Variants in EXOC4 observed in about 807,000 individuals in gnomAD.
EXOC4 encodes the protein exocyst complex component 4.
A neutral mutation model predicts 107.2 loss-of-function variants in EXOC4; 71 were observed. The observed-to-expected ratio is 0.66, with a 90% CI of 0.55 to 0.81. The LOEUF is 0.81. EXOC4 is among the 30% of genes least tolerant of loss of function. The pLI is 0.00. For synonymous variants in EXOC4, 456 were observed against 441.2 expected, an observed-to-expected ratio of 1.03 and a Z score of -0.42; for missense variants, 1,108 against 1,189.6, an observed-to-expected ratio of 0.93 and a Z score of 1.01.
chr7:133,486,387 A>G (rs1799270195), intron 9 of EXOC4, among the ~76,000 whole-genome samples: 1 of 152,206 alleles, frequency 6.6e-6, no homozygotes, highest in Non-Finnish European at 1.5e-5. Context: ...ATAATGGAGC[A>G]TTTAAGGCAA....
At chr7:134,096,834 T>G in the EXOC4 span, among the ~76,000 whole-genome samples, 1 of 152,090 alleles carries the variant, frequency 6.6e-6, no homozygotes, top group African/African-American at 2.4e-5. Flanking sequence ...AGGGTGGGTC[T>G]GCCTCTCCCA....
intron 17 of EXOC4, among the ~76,000 whole-genome samples, chr7:134,045,699 G>A (rs1286018883): frequency 6.6e-6 from 1 of 152,106 alleles, no homozygotes; most frequent in South Asian, 2.1e-4. Flanking sequence ...GCGTTGTACA[G>A]CCATCATCAC....
At chr7:133,997,976 T>C (rs1375292150) in intron 15 of EXOC4, among the ~76,000 whole-genome samples, 1 of 152,182 alleles carries the variant, frequency 6.6e-6, no homozygotes, top group Non-Finnish European at 1.5e-5. Context: ...ATAGAGATTT[T>C]ATAAATGAAA....
At chr7:133,928,641 TGTGG>T (rs371747346) in intron 13 of EXOC4, among the ~76,000 whole-genome samples, 62 of 152,174 alleles carry the variant, frequency 4.1e-4, no homozygotes, top group Middle Eastern at 3.4e-3. Context: ...ACTCACAGTC[TGTGG>T]GTGAGTCAAA....
chr7:133,889,214 T>C (rs1251595504), intron 11 of EXOC4, among the ~76,000 whole-genome samples: 1 of 152,198 alleles, frequency 6.6e-6, no homozygotes, highest in Non-Finnish European at 1.5e-5. Flanking sequence ...ATTTTCTGTC[T>C]TAAAAGCCAG....
At chr7:133,742,729 A>G (rs1195533545) in intron 10 of EXOC4, among the ~76,000 whole-genome samples, 10 of 152,154 alleles carry the variant, frequency 6.6e-5, no homozygotes, top group Non-Finnish European at 1.2e-4. Flanking sequence ...CCCCAAGTTG[A>G]GACTTTGAAT....
chr7:133,407,959 A>G (rs1002563854), intron 7 of EXOC4, among the ~76,000 whole-genome samples: 4 of 152,188 alleles, frequency 2.6e-5, no homozygotes, highest in Non-Finnish European at 5.9e-5. Context: ...ATTTATTTGA[A>G]GTCAACTAGA....
intron 7 of EXOC4, among the ~76,000 whole-genome samples, chr7:133,449,133 A>G (rs1174594480): frequency 6.6e-5 from 10 of 152,052 alleles, no homozygotes; most frequent in Admixed American, 5.9e-4. Flanking sequence ...TAAAAAGAAT[A>G]TGGGAATTTG....
intron 5 of EXOC4, among the ~76,000 whole-genome samples, chr7:133,353,271 C>T (rs1396320494): frequency 6.6e-6 from 1 of 152,062 alleles, no homozygotes. Context: ...AATGTCCTTT[C>T]ATTTTAACGT....
At chr7:133,762,109 T>C (rs1327973040) in intron 10 of EXOC4, among the ~76,000 whole-genome samples, 1 of 152,208 alleles carries the variant, frequency 6.6e-6, no homozygotes, top group Non-Finnish European at 1.5e-5. Flanking sequence ...GTGGAATCCA[T>C]GATGGTCCTG....
chr7:133,459,334 T>C (rs1394107726), intron 7 of EXOC4, among the ~76,000 whole-genome samples: 2 of 152,242 alleles, frequency 1.3e-5, no homozygotes, highest in East Asian at 1.9e-4. Flanking sequence ...TCTCTAGTTA[T>C]GTTTACAAAT....
intron 1 of EXOC4, among the ~76,000 whole-genome samples, chr7:133,262,972 T>C (rs1463451989): frequency 6.6e-6 from 1 of 152,162 alleles, no homozygotes; most frequent in Non-Finnish European, 1.5e-5. Flanking sequence ...GCTGTTCTCA[T>C]GATAGTGAAT....
intron 9 of EXOC4, among the ~76,000 whole-genome samples, chr7:133,577,076 G>A (rs1005137254): frequency 1.3e-5 from 2 of 152,168 alleles, no homozygotes; most frequent in African/African-American, 4.8e-5. Flanking sequence ...GTCTTTCACA[G>A]TGTGAGTTAT....
intron 11 of EXOC4, among the ~76,000 whole-genome samples, chr7:133,832,382 T>C (rs200009406): frequency 6.6e-6 from 1 of 152,212 alleles, no homozygotes; most frequent in East Asian, 1.9e-4. Context: ...CAATGCAAAA[T>C]GTTGTGTGTC....
chr7:134,090,135 A>G, the EXOC4 span, among the ~76,000 whole-genome samples: 17 of 152,186 alleles, frequency 1.1e-4, no homozygotes, highest in African/African-American at 1.9e-4. Context: ...TTTTAAGCCA[A>G]TTAATCAAAG....
chr7:134,053,939 A>AT (rs557655159), intron 17 of EXOC4, among the ~76,000 whole-genome samples: 439 of 151,936 alleles, frequency 2.9e-3, no homozygotes, highest in African/African-American at 0.01. Context: ...ATTTTAATTT[A>AT]TTTTATTTTT....
In EXOC4 at chr7:134,052,337, AC is replaced by A. The variant is rs111471661; in HGVS notation, c.2688-11953del. On this transcript the variant is annotated intron_variant, in intron 17 of 17. Transcript: ENST00000253861. Reference sequence around the variant, plus strand: ...CCAGTGAAAAGGGAAGATACTGGATACAAGAGTTAAAAATAAAACAAAAACC... The same window carrying A: ...CCAGTGAAAAGGGAAGATACTGGATAAAGAGTTAAAAATAAAACAAAAACC... Among the ~76,000 whole-genome samples the A allele has an allele frequency of 3.7e-4, 56 of 152,338 alleles. 1 individual carries two copies. Among genetic ancestry groups the A allele is most frequent in the Middle Eastern group, 3.4e-3 (1 of 294 alleles).
intron 7 of EXOC4, among the ~76,000 whole-genome samples, chr7:133,430,143 G>A (rs1184499539): frequency 1.3e-5 from 2 of 152,026 alleles, no homozygotes; most frequent in East Asian, 3.9e-4. Flanking sequence ...CTGTCAGCGG[G>A]ATGGGGAGCT....
At position 133,415,786 on chromosome 7, in the gene EXOC4, T is replaced by C. The variant is rs56407397; in HGVS notation, c.1182+40784T>C. 2.9e-3 allele frequency among the ~76,000 whole-genome samples: 448 copies of C among 152,318 alleles called. 1 individual carries two copies. The highest frequency in any genetic ancestry group is 5.6e-3 in the Admixed American group (86 of 15,296). ...TATATTATTTTCTAAAATATAGATA[T>C]GTATAGTTGTAGTCAACAACCTCAA... is the stretch of plus-strand genomic sequence containing the variant. On this transcript the variant is annotated intron_variant, in intron 7 of 17. Transcript: ENST00000253861.
Sources: gnomAD v4.1 joint callset for allele counts (sites outside exome capture counted in the v4.1 genomes callset) on GRCh38, gnomAD v4.1.1 for gene constraint, MANE v1.5 for transcripts, NCBI Gene and HGNC (gene_info 2026-07-23, HGNC 2026-07-21) for gene names.